The following PDE10A variants were observed in gnomAD, a reference collection of about 807,000 sequenced individuals.
PDE10A encodes phosphodiesterase 10A.
PDE10A carries 39 observed loss-of-function variants against 97.7 expected under a neutral mutation model. The ratio of observed to expected loss-of-function variants is 0.40; its 90% CI spans 0.31 to 0.52. The LOEUF (loss-of-function observed/expected upper bound fraction) is 0.52, where lower values mean the gene tolerates loss of function less well. PDE10A is among the 20% of genes least tolerant of loss of function. PDE10A has a pLI of 0.56. For synonymous variants in PDE10A, 371 were observed against 376.8 expected, an observed-to-expected ratio of 0.98 and a Z score of 0.18; for missense variants, 731 against 1,047.8, an observed-to-expected ratio of 0.70 and a Z score of 4.17.
chr6:165,772,800 A>G (rs1468216844), intron 1 of PDE10A, among the ~76,000 whole-genome samples: 18 of 152,224 alleles, frequency 1.2e-4, no homozygotes, highest in Admixed American at 2.0e-4. Context: ...GAAAGACAGA[A>G]TAGTGTAGAA....
At chr6:165,460,955 T>C (rs1778290871) in intron 3 of PDE10A, among the ~76,000 whole-genome samples, 1 of 152,200 alleles carries the variant, frequency 6.6e-6, no homozygotes, top group Non-Finnish European at 1.5e-5. Context: ...GCGGCCGTTG[T>C]TAAGCCTCCA....
chr6:165,981,181 A>G (rs1785003299), intron 1 of PDE10A, among the ~76,000 whole-genome samples: 1 of 152,198 alleles, frequency 6.6e-6, no homozygotes, highest in African/African-American at 2.4e-5. Context: ...CTAGATCAAA[A>G]GGTGCTCTAC....
intron 1 of PDE10A, among the ~76,000 whole-genome samples, chr6:165,640,404 A>C (rs1789077327): frequency 6.6e-6 from 1 of 152,226 alleles, no homozygotes; most frequent in Non-Finnish European, 1.5e-5. Context: ...GCAAAGTTTA[A>C]AAGTAAAAAT....
At chr6:165,371,257 C>G (rs1313792388) in intron 18 of PDE10A, among the ~76,000 whole-genome samples, 2 of 151,744 alleles carry the variant, frequency 1.3e-5, no homozygotes, top group South Asian at 4.2e-4. Flanking sequence ...AATAGAGACA[C>G]AAAAAACATT....
chr6:165,794,814 C>T (rs539954928), intron 1 of PDE10A, among the ~76,000 whole-genome samples: 3 of 152,288 alleles, frequency 2.0e-5, no homozygotes, highest in East Asian at 3.9e-4. Flanking sequence ...ATGACTTTAT[C>T]GTTTAATTTT....
chr6:165,723,279 C>T (rs560713118), intron 1 of PDE10A, among the ~76,000 whole-genome samples: 1 of 152,208 alleles, frequency 6.6e-6, no homozygotes, highest in Non-Finnish European at 1.5e-5. Flanking sequence ...GCTTTGCTCT[C>T]GACAATTTCT....
chr6:165,686,911 G>C (rs1040064026), intron 1 of PDE10A, among the ~76,000 whole-genome samples: 2 of 152,192 alleles, frequency 1.3e-5, no homozygotes, highest in South Asian at 2.1e-4. Context: ...TGTACGCTTC[G>C]GTAATGTTTG....
intron 13 of PDE10A, among the ~76,000 whole-genome samples, chr6:165,400,152 T>G (rs1583198833): frequency 6.6e-6 from 1 of 152,020 alleles, no homozygotes; most frequent in African/African-American, 2.4e-5. Context: ...AAATAAAAAC[T>G]TTGACCCTTA....
chr6:165,621,744 G>A (rs1788143851), intron 1 of PDE10A, among the ~76,000 whole-genome samples: 2 of 145,394 alleles, frequency 1.4e-5, no homozygotes, highest in South Asian at 4.3e-4. Flanking sequence ...GTGACAGAGT[G>A]AGACTCTTAT....
At chr6:165,607,526 A>G (rs370842008) in intron 1 of PDE10A, among the ~76,000 whole-genome samples, 34 of 152,268 alleles carry the variant, frequency 2.2e-4, no homozygotes, top group African/African-American at 7.7e-4. Flanking sequence ...AGCCTGTACC[A>G]TCTAGGTTTG....
chr6:165,442,015 T>C (rs1790504602), intron 5 of PDE10A, among the ~76,000 whole-genome samples: 2 of 152,226 alleles, frequency 1.3e-5, no homozygotes, highest in Admixed American at 1.3e-4. Context: ...ATCTATTATT[T>C]GTTTTTAGAT....
intron 1 of PDE10A, among the ~76,000 whole-genome samples, chr6:165,549,614 A>T (rs1350784883): frequency 6.6e-6 from 1 of 152,106 alleles, no homozygotes; most frequent in African/African-American, 2.4e-5. Flanking sequence ...GTGAGCCACC[A>T]TGCGCGGCTG....
chr6:165,548,204 T>C (rs1783828415), intron 1 of PDE10A, among the ~76,000 whole-genome samples: 3 of 149,320 alleles, frequency 2.0e-5, no homozygotes, highest in Admixed American at 2.0e-4. Context: ...ATTCTAACCA[T>C]AAATACTACT....
chr6:165,371,865 A>G (rs1490570481), intron 18 of PDE10A, among the ~76,000 whole-genome samples: 2 of 152,174 alleles, frequency 1.3e-5, no homozygotes, highest in Non-Finnish European at 2.9e-5. Flanking sequence ...AGCACATCAA[A>G]AAGCTTATCC....
chr6:165,700,296 A>T (rs1791536073), intron 1 of PDE10A, among the ~76,000 whole-genome samples: 1 of 151,828 alleles, frequency 6.6e-6, no homozygotes, highest in African/African-American at 2.4e-5. Context: ...GAGGAAGGGG[A>T]TGGGGTAGGG....
intron 1 of PDE10A, chr6:165,774,831 C>CTTTTTTTTTTTTTTTTTTATTTTTTTT (rs1778125497): frequency 4.6e-5 from 5 of 107,882 alleles, no homozygotes; most frequent in Admixed American, 1.0e-4. Context: ...ACTTTTTTTT[C>CTTTTTTTTTTTTTTTTTTATTTTTTTT]TTTTTTTTTT....
rs375702208 is a variant in PDE10A at position 165,480,244 on chromosome 6, C to A, written c.1023+2071G>T. On this transcript the variant is annotated intron_variant, in intron 3 of 21. Transcript: ENST00000539869. ...AGTCAAAACAAATACTGGAGAATGGCCATTTTGGGAGGCTGCTTGGTTCTA... is the reference window on the plus strand; with the variant it reads ...AGTCAAAACAAATACTGGAGAATGGACATTTTGGGAGGCTGCTTGGTTCTA... Among the ~76,000 whole-genome samples, 5 of 152,074 alleles carry A rather than the reference C, an allele frequency of 3.3e-5. No homozygotes were observed. In the South Asian group the frequency reaches 6.2e-4, roughly 19 times the overall value.
chr6:165,717,319 A>G (rs1792048637), intron 1 of PDE10A, among the ~76,000 whole-genome samples: 1 of 152,204 alleles, frequency 6.6e-6, no homozygotes, highest in Non-Finnish European at 1.5e-5. Flanking sequence ...GGCCAGGCAC[A>G]GTGGCTCACG....
At position 165,418,550 on chromosome 6, in the gene PDE10A, AC is replaced by A; in HGVS notation, c.1796+84del. The A allele has an allele frequency of 2.4e-6, 3 of 1,225,072 alleles. No homozygotes were observed. The highest frequency in any genetic ancestry group is 1.2e-6 in the Non-Finnish European group (1 of 851,554). The allele number at this position is 1,225,072 out of a possible 1,614,324, so 75.9% of individuals were successfully genotyped here. A position where few individuals can be genotyped will look rare whatever the true frequency, so the allele number is the denominator to read the frequency against. On this transcript the variant is annotated intron_variant, in intron 11 of 21. Transcript: ENST00000539869. This position sits in a 1 kb window ranked among gnomAD's most constrained non-coding sequence, Gnocchi z 4.8. ...ACAGTATGACAAGTATTGTCAGCAT[AC>A]CTGTGAATAGGCACAGAAAAATGGG...
Sources: allele counts gnomAD v4.1 joint callset (sites outside exome capture counted in the v4.1 genomes callset), GRCh38; gene constraint gnomAD v4.1.1; non-coding constraint Gnocchi (gnomAD v3.1); transcripts MANE v1.5; gene names NCBI Gene and HGNC (gene_info 2026-07-23, HGNC 2026-07-21).